Variants in NUP188 observed in about 807,000 individuals in gnomAD.
The protein encoded by NUP188 is nucleoporin 188.
Under a neutral mutation model 223.0 loss-of-function variants are expected in NUP188, and 97 were observed. The observed-to-expected ratio is 0.43, with a 90% CI of 0.37 to 0.51. The LOEUF is 0.51. NUP188 is among the 20% of genes least tolerant of loss of function. The probability of loss-of-function intolerance (pLI) is 0.00; values close to 1 mark genes in which losing one functional copy is unlikely to be tolerated. For synonymous variants in NUP188, 869 were observed against 828.0 expected (o/e 1.05, Z -0.85); for missense variants, 1,947 against 2,175.6 (o/e 0.89, Z 2.09).
chr9:128,987,629 G>A lies in NUP188; in HGVS notation c.2305G>A (p.Ala769Thr). 1.2e-6 allele frequency: 2 copies of A among 1,613,848 alleles called. No homozygotes were observed. The highest frequency in any genetic ancestry group is 2.2e-5 in the South Asian group (2 of 91,012). ...GCAGTTTCTCTGCATCTGCAGCCTG[G>A]CATACACAGAAGCAGGACAGACAGT... Reference protein sequence around the residue: ...SLQFLCICSLAYTEAGQTVIN... With the variant: ...SLQFLCICSLTYTEAGQTVIN... Residue 769 changes from alanine to threonine, a missense_variant, in exon 23 of 44, where the codon GCA becomes ACA. This residue lies in a region of NUP188 where 225 missense variants were observed against 319.1 expected (regional missense o/e 0.71). Coordinates refer to ENST00000372577, the MANE Select transcript of NUP188 (RefSeq NM_015354.3).
intron 3 of NUP188, among the ~76,000 whole-genome samples, chr9:128,953,049 A>G (rs1425589857): frequency 6.6e-6 from 1 of 151,480 alleles, no homozygotes; most frequent in East Asian, 1.9e-4. Flanking sequence ...GAAATACAGT[A>G]TTGTAGAATA....
At chr9:128,972,602 TG>T (rs1272394388) in intron 11 of NUP188, among the ~76,000 whole-genome samples, 1 of 152,224 alleles carries the variant, frequency 6.6e-6, no homozygotes, top group Non-Finnish European at 1.5e-5. Context: ...CTGTGGACTT[TG>T]GGTGATAATA....
chr9:128,998,315 C>T (rs191912969), intron 31 of NUP188, 87 bp downstream of exon 31: 63 of 1,258,448 alleles, frequency 5.0e-5, no homozygotes, highest in Admixed American at 2.2e-4. Context: ...GCCAGCCAGC[C>T]GCACAAATAG....
At chr9:128,972,027 C>T (rs1477410274) in intron 11 of NUP188, among the ~76,000 whole-genome samples, 1 of 152,178 alleles carries the variant, frequency 6.6e-6, no homozygotes. Flanking sequence ...CCACCTCAGC[C>T]TCCCAAAGTT....
At chr9:128,986,379 G>A (rs889240211) in intron 20 of NUP188, among the ~76,000 whole-genome samples, 179 bp from the exon 21 acceptor site, 6 of 152,082 alleles carry the variant, frequency 3.9e-5, no homozygotes, top group Non-Finnish European at 8.8e-5. Flanking sequence ...TTCTAGAAAA[G>A]ACCCACAACT....
chr9:128,986,466 G>T, intron 20 of NUP188, 92 bp from the exon 21 acceptor site: 2 of 1,325,726 alleles, frequency 1.5e-6, no homozygotes, highest in Non-Finnish European at 2.1e-6. Flanking sequence ...GATTTCCTTT[G>T]GACCTATCTA....
intron 38 of NUP188, among the ~76,000 whole-genome samples, chr9:129,004,310 C>G (rs1181280266): frequency 6.7e-6 from 1 of 148,184 alleles, no homozygotes; most frequent in African/African-American, 2.5e-5. Context: ...CTAAACTAAA[C>G]AAAACCAAAA....
Position 128,986,624 on chromosome 9 carries a change from C to T in NUP188, c.2143C>T (p.Leu715Phe). The T allele has an allele frequency of 6.2e-7, 1 of 1,614,168 alleles. No individual in the cohort carries two copies. Among genetic ancestry groups the T allele is most frequent in the Non-Finnish European group, 8.5e-7 (1 of 1,180,026 alleles). The change falls in exon 21 of 44, where the codon CTT becomes TTT. Residue 715 changes from leucine to phenylalanine, a missense_variant. This residue lies in a region of NUP188 where 225 missense variants were observed against 319.1 expected (regional missense o/e 0.71). Coordinates refer to ENST00000372577, the MANE Select transcript of NUP188 (RefSeq NM_015354.3). ...PCVMFVLKEM[L>F]PSYHKWRYNS... ...TGTAATGTTTGTGCTGAAGGAGATG[C>T]TTCCCAGCTACCATAAGTGGCGCTA... is the stretch of plus-strand genomic sequence containing the variant.
At chr9:128,954,938 T>C (rs56242224) in intron 3 of NUP188, among the ~76,000 whole-genome samples, 59,002 of 151,434 alleles carry the variant, frequency 0.39, 11,675 homozygotes, top group Admixed American at 0.43. Flanking sequence ...ACTGCAACCT[T>C]TGCCTCCTGG....
chr9:128,968,360 G>T (rs1842060333), intron 8 of NUP188, 146 bp from the exon 9 acceptor site: 2 of 631,078 alleles, frequency 3.2e-6, no homozygotes, highest in Non-Finnish European at 2.8e-6. Context: ...AGGATCAGTT[G>T]CGTGTAGCAG....
chr9:128,999,667 T>C lies in NUP188; in HGVS notation c.3705T>C (p.Cys1235=). ...ACTCCCAGCTGGTGCTGAATGTCTG[T>C]GAGACCCTCCAAGAGGAAGTGATTG... ...PQYSQLVLNV[C]ETLQEEVIAL... The change falls in exon 34 of 44, where the codon TGT becomes TGC. Residue 1235 remains cysteine, a synonymous_variant. Coordinates refer to ENST00000372577, the MANE Select transcript of NUP188 (RefSeq NM_015354.3). The C allele has an allele frequency of 1.2e-6, 2 of 1,614,034 alleles. No homozygotes were observed. The highest frequency in any genetic ancestry group is 8.5e-7 in the Non-Finnish European group (1 of 1,179,976).
At chr9:128,973,315 A>AC (rs1842128007) in intron 12 of NUP188, 66 bp downstream of exon 12, 3 of 1,017,400 alleles carry the variant, frequency 2.9e-6, no homozygotes, top group Non-Finnish European at 4.6e-6. Context: ...CCAAAAATAT[A>AC]CCCCCATTGG....
At position 129,003,439 on chromosome 9, in the gene NUP188, C is replaced by G. The variant is rs1328389032; in HGVS notation, c.4419C>G (p.Leu1473=). The change falls in exon 38 of 44, where the codon CTC becomes CTG. Residue 1473 remains leucine (L), a synonymous_variant. Transcript: ENST00000372577. ...MKEWHFHLPQ[L]MRDIQVNLGY... ...AGTGGCACTTCCACCTGCCTCAGCT[C>G]ATGCGTGATATCCAGGTGGGGGCCC... 24 of 1,611,204 alleles carry G rather than the reference C, an allele frequency of 1.5e-5. No homozygotes were observed. Among genetic ancestry groups the G allele is most frequent in the Non-Finnish European group, 1.7e-5 (20 of 1,179,984 alleles).
Position 128,988,174 on chromosome 9 carries a change from C to G in NUP188, c.2521C>G (p.Leu841Val). Reference sequence around the variant, plus strand: ...TGTGGTGTCCCCCCTGGAACAGGCTCTCTCACAACATGGTATGTATTTCTC... The same window carrying G: ...TGTGGTGTCCCCCCTGGAACAGGCTGTCTCACAACATGGTATGTATTTCTC... ...SNVVSPLEQALSQHGAHGNNL... is the reference protein window; with the variant it reads ...SNVVSPLEQAVSQHGAHGNNL... Residue 841 changes from leucine to valine, a missense_variant, in exon 24 of 44, where the codon CTC becomes GTC. Around this residue, in one of 3 missense-constraint regions of NUP188, gnomAD observed 225 missense variants for 319.1 expected, o/e 0.71. Transcript: ENST00000372577. 6.2e-7 allele frequency: 1 copy of G among 1,614,208 alleles called. No homozygotes were observed. Among genetic ancestry groups the G allele is most frequent in the African/African-American group, 1.3e-5 (1 of 75,062 alleles).
intron 25 of NUP188, among the ~76,000 whole-genome samples, chr9:128,991,056 A>G (rs936924541): frequency 6.6e-6 from 1 of 151,948 alleles, no homozygotes; most frequent in East Asian, 1.9e-4. Flanking sequence ...ATTGTAAAAT[A>G]TTTATTTAAA....
chr9:128,997,821 A>G (rs919273910), intron 30 of NUP188, among the ~76,000 whole-genome samples: 1 of 152,048 alleles, frequency 6.6e-6, no homozygotes. Flanking sequence ...CCTGGGTTCA[A>G]GCAATTCTCC....
At position 128,985,103 on chromosome 9, in the gene NUP188, G is replaced by A. The variant is rs900783253; in HGVS notation, c.2076+89G>A. ...TGAAATAGTTTCCCTGGCCCCTGGT[G>A]CTGTAATCTTCTTGTCTGTAGGCAG... On this transcript the variant is annotated intron_variant, in intron 20 of 43. Coordinates refer to ENST00000372577, the MANE Select transcript of NUP188 (RefSeq NM_015354.3). The A allele has an allele frequency of 2.8e-5, 25 of 883,828 alleles. 1 individual carries two copies. In the Admixed American group the frequency reaches 5.8e-4, roughly 21 times the overall value. The allele number at this position is 883,828 out of a possible 1,614,324, so 54.7% of individuals were successfully genotyped here. A position where few individuals can be genotyped will look rare whatever the true frequency, so the allele number is the denominator to read the frequency against.
chr9:128,983,183 T>C, intron 17 of NUP188, 110 bp from the exon 18 acceptor site: 1 of 1,401,494 alleles, frequency 7.1e-7, no homozygotes, highest in Non-Finnish European at 1.0e-6. Context: ...TTCCTGTTTT[T>C]ATATGTCTGC....
chr9:128,949,082 A>G (rs749174538), intron 1 of NUP188, 107 bp from the exon 2 acceptor site: 7 of 724,156 alleles, frequency 9.7e-6, no homozygotes, highest in East Asian at 5.3e-5. Context: ...ATCGTTTTGT[A>G]TATTGAGATT....
Sources: gnomAD v4.1 joint callset for allele counts (sites outside exome capture counted in the v4.1 genomes callset) on GRCh38, gnomAD v4.1.1 for gene constraint, gnomAD v4.1.1 regional missense constraint, MANE v1.5 for transcripts, NCBI Gene and HGNC (gene_info 2026-07-23, HGNC 2026-07-21) for gene names.